FOCAD: variants seen among roughly 807,000 people sequenced by gnomAD.
The protein encoded by FOCAD is KIAA1797.
FOCAD carries 198 observed loss-of-function variants against 225.6 expected under a neutral mutation model. The observed-to-expected ratio is 0.88, with a 90% CI of 0.78 to 0.99. The LOEUF (loss-of-function observed/expected upper bound fraction) is 0.99, where lower values mean the gene tolerates loss of function less well. Among genes scored for constraint, FOCAD ranks in the 50% least tolerant of loss-of-function variants. The probability of loss-of-function intolerance (pLI) is 0.00; values close to 1 mark genes in which losing one functional copy is unlikely to be tolerated. For synonymous variants in FOCAD, 897 were observed against 755.0 expected, an observed-to-expected ratio of 1.19 and a Z score of -3.08; for missense variants, 2,713 against 2,123.6, an observed-to-expected ratio of 1.28 and a Z score of -5.46.
chr9:20,878,067 C>T (rs1385633257), intron 19 of FOCAD, among the ~76,000 whole-genome samples: 1 of 152,114 alleles, frequency 6.6e-6, no homozygotes, highest in Admixed American at 6.5e-5. Context: ...CATACATACA[C>T]AATACTTACA....
At chr9:20,827,698 C>T (rs1365466240) in intron 15 of FOCAD, among the ~76,000 whole-genome samples, 1 of 151,798 alleles carries the variant, frequency 6.6e-6, no homozygotes, top group Non-Finnish European at 1.5e-5. Flanking sequence ...AGAAAGAGCT[C>T]CGATACACAG....
intron 5 of FOCAD, among the ~76,000 whole-genome samples, chr9:20,754,816 T>C (rs1828900324): frequency 6.6e-6 from 1 of 152,176 alleles, no homozygotes; most frequent in Non-Finnish European, 1.5e-5. Context: ...TGGCCCAAAA[T>C]GTCAGTAGTG....
intron 39 of FOCAD, among the ~76,000 whole-genome samples, chr9:20,984,059 G>A (rs1840944340): frequency 6.6e-6 from 1 of 152,198 alleles, no homozygotes; most frequent in African/African-American, 2.4e-5. Flanking sequence ...ATACTAAGTA[G>A]TGTTCTGATG....
chr9:20,857,268 C>G (rs890811660), intron 15 of FOCAD, among the ~76,000 whole-genome samples: 6 of 151,298 alleles, frequency 4.0e-5, no homozygotes, highest in African/African-American at 1.5e-4. Flanking sequence ...TCTTCATTTT[C>G]CTTCATCAAT....
chr9:20,912,252 TA>T (rs1028017185), intron 22 of FOCAD, among the ~76,000 whole-genome samples: 2 of 151,922 alleles, frequency 1.3e-5, no homozygotes, highest in African/African-American at 4.8e-5. Context: ...TAATTCTGAG[TA>T]AAAAAATGGA....
intron 15 of FOCAD, among the ~76,000 whole-genome samples, chr9:20,858,479 A>G (rs889091105): frequency 6.6e-6 from 1 of 151,574 alleles, no homozygotes; most frequent in Admixed American, 6.6e-5. Context: ...GATTTTATTT[A>G]TTTGAATGTT....
At chr9:20,799,153 G>A (rs187240643) in intron 11 of FOCAD, among the ~76,000 whole-genome samples, 18 of 152,250 alleles carry the variant, frequency 1.2e-4, no homozygotes, top group Admixed American at 2.0e-4. Flanking sequence ...GTAGTTGAGC[G>A]GTTTTGAGTG....
intron 28 of FOCAD, among the ~76,000 whole-genome samples, chr9:20,943,973 C>T (rs760758052): frequency 1.3e-5 from 2 of 152,196 alleles, no homozygotes; most frequent in Admixed American, 1.3e-4. Context: ...TGAATTGTCA[C>T]ATGGGGTAAC....
intron 11 of FOCAD, among the ~76,000 whole-genome samples, chr9:20,809,744 C>G (rs374035232): frequency 3.4e-4 from 52 of 152,244 alleles, no homozygotes; most frequent in African/African-American, 1.1e-3. Context: ...CTGTGAACCA[C>G]TTGAGATGGG....
chr9:20,948,186 G>C, intron 30 of FOCAD, 85 bp from the exon 31 acceptor site: 2 of 1,244,044 alleles, frequency 1.6e-6, no homozygotes, highest in Middle Eastern at 2.1e-4. Context: ...AGCACTAAAA[G>C]TGTTTATGTT....
At chr9:20,725,695 G>C (rs905581523) in intron 4 of FOCAD, among the ~76,000 whole-genome samples, 1 of 152,192 alleles carries the variant, frequency 6.6e-6, no homozygotes, top group African/African-American at 2.4e-5. Context: ...CCCACAATTT[G>C]AGAAACAGTG....
At chr9:20,664,763 G>T (rs1319993274) in intron 2 of FOCAD, among the ~76,000 whole-genome samples, 1 of 151,746 alleles carries the variant, frequency 6.6e-6, no homozygotes, top group Non-Finnish European at 1.5e-5. Context: ...ACAGGCGTGA[G>T]CCATTGTGCC....
intron 4 of FOCAD, among the ~76,000 whole-genome samples, chr9:20,733,779 A>G (rs995247112): frequency 1.3e-5 from 2 of 152,138 alleles, no homozygotes; most frequent in Admixed American, 1.3e-4. Flanking sequence ...AGGCAGAAGG[A>G]TTGCTTGAAG....
intron 10 of FOCAD, among the ~76,000 whole-genome samples, chr9:20,782,271 T>C (rs1299138012): frequency 2.0e-5 from 3 of 152,342 alleles, no homozygotes; most frequent in South Asian, 4.1e-4. Context: ...GTTAGTTAAG[T>C]ACAGCATATT....
At chr9:20,682,923 GCA>G (rs1400380058), upstream of FOCAD, among the ~76,000 whole-genome samples, 1 of 152,084 alleles carries the variant, frequency 6.6e-6, no homozygotes, top group African/African-American at 2.4e-5. Flanking sequence ...CTGCAGGCGC[GCA>G]ACCCCACGCC....
chr9:20,835,334 T>G lies in FOCAD; in HGVS notation c.1920+12219T>G, dbSNP rs558263156. On this transcript the variant is annotated intron_variant, in intron 15 of 43. Transcript: ENST00000338382. ...TCTAAGTAACATACCCAAATTAACT[T>G]GGAAATGTGTTGTAACATGGAGATT... 4.6e-5 allele frequency among the ~76,000 whole-genome samples: 7 copies of G among 152,238 alleles called. No individual in the cohort carries two copies. The East Asian group carries it at 1.2e-3, about 25-fold the overall frequency.
intron 28 of FOCAD, among the ~76,000 whole-genome samples, chr9:20,943,938 G>T (rs2132316132): frequency 6.6e-6 from 1 of 152,264 alleles, no homozygotes; most frequent in East Asian, 1.9e-4. Context: ...AGGAGAATTG[G>T]GGGCACAAAG....
At chr9:20,766,375 A>G (rs1362915478) in intron 7 of FOCAD, among the ~76,000 whole-genome samples, 1 of 152,224 alleles carries the variant, frequency 6.6e-6, no homozygotes, top group Non-Finnish European at 1.5e-5. Flanking sequence ...GGTCTTAGAG[A>G]CAATATAATC....
At chr9:20,656,805 T>C (rs900706147), upstream of FOCAD, among the ~76,000 whole-genome samples, 2 of 152,200 alleles carry the variant, frequency 1.3e-5, no homozygotes, top group African/African-American at 4.8e-5. Context: ...TATGTGTGAA[T>C]TTGATCCTGT....
Sources: gnomAD v4.1 joint callset for allele counts (sites outside exome capture counted in the v4.1 genomes callset) on GRCh38, gnomAD v4.1.1 for gene constraint, MANE v1.5 for transcripts, NCBI Gene and HGNC (gene_info 2026-07-23, HGNC 2026-07-21) for gene names.